Variants in NEK1 observed in about 807,000 individuals in gnomAD.
NEK1 encodes the protein NIMA related kinase 1.
Under a neutral mutation model 182.1 loss-of-function variants are expected in NEK1, and 137 were observed. The ratio of observed to expected loss-of-function variants is 0.75; its 90% CI spans 0.65 to 0.87. NEK1 has a LOEUF of 0.87. Ranked by LOEUF, NEK1 falls within the 40% of genes least tolerant of loss-of-function variation. The pLI is 0.00. For missense variants in NEK1, 1,391 were observed against 1,494.4 expected (o/e 0.93, Z 1.14); for synonymous variants, 513 against 492.2 (o/e 1.04, Z -0.56).
chr4:169,474,061 C>G (rs1406458300), intron 26 of NEK1, among the ~76,000 whole-genome samples: 1 of 150,934 alleles, frequency 6.6e-6, no homozygotes, highest in African/African-American at 2.4e-5. Flanking sequence ...GGGGTGATAG[C>G]TAAAGAACAG....
At chr4:169,486,897 T>G (rs6553440) in intron 23 of NEK1, among the ~76,000 whole-genome samples, 71,702 of 152,030 alleles carry the variant, frequency 0.47, 19,494 homozygotes, top group East Asian at 0.76. Context: ...TGAATTTTAA[T>G]TCTTAAAACA....
chr4:169,480,421 T>C (rs1747760991), intron 23 of NEK1, among the ~76,000 whole-genome samples: 1 of 151,596 alleles, frequency 6.6e-6, no homozygotes, highest in African/African-American at 2.4e-5. Flanking sequence ...CATACAAAAT[T>C]TATGTTTACA....
intron 16 of NEK1, among the ~76,000 whole-genome samples, chr4:169,559,515 C>T (rs1201685321): frequency 2.6e-5 from 4 of 152,110 alleles, no homozygotes; most frequent in Admixed American, 6.5e-5. Context: ...TGAAGAACTT[C>T]TGCACCTCAA....
intron 12 of NEK1, among the ~76,000 whole-genome samples, chr4:169,576,095 G>A (rs1331943237): frequency 1.3e-5 from 2 of 151,886 alleles, no homozygotes; most frequent in African/African-American, 4.8e-5. Flanking sequence ...CTCCTGAGTA[G>A]CTGGGACTAT....
At chr4:169,452,711 T>G (rs1742065925) in intron 27 of NEK1, among the ~76,000 whole-genome samples, 3 of 152,202 alleles carry the variant, frequency 2.0e-5, no homozygotes, top group Admixed American at 2.0e-4. Flanking sequence ...AGTATCATAC[T>G]GAATGGGCAA....
intron 5 of NEK1, among the ~76,000 whole-genome samples, chr4:169,593,785 G>A (rs547762455): frequency 3.3e-5 from 5 of 152,160 alleles, no homozygotes; most frequent in Admixed American, 2.0e-4. Context: ...TCAGGAGATC[G>A]AGACCATCCT....
At chr4:169,409,132 CTATTGTTTTACT>C (rs1733170020) in intron 31 of NEK1, among the ~76,000 whole-genome samples, 1 of 152,022 alleles carries the variant, frequency 6.6e-6, no homozygotes, top group African/African-American at 2.4e-5. Flanking sequence ...AAGCCAACAT[CTATTGTTTTACT>C]TATTGTTTTT....
intron 10 of NEK1, among the ~76,000 whole-genome samples, chr4:169,583,303 T>G (rs895288492): frequency 4.7e-5 from 7 of 149,456 alleles, no homozygotes; most frequent in Middle Eastern, 3.5e-3. Context: ...GCTTCTCACC[T>G]AAGTAGATAT....
At chr4:169,562,316 C>A (rs1763039003) in intron 12 of NEK1, 120 bp from the exon 13 acceptor site, 1 of 597,936 alleles carries the variant, frequency 1.7e-6, no homozygotes, top group Non-Finnish European at 2.8e-6. Context: ...TAACTCTCTT[C>A]CAAATTACAT....
At chr4:169,422,376 A>G (rs1735636779) in intron 31 of NEK1, among the ~76,000 whole-genome samples, 2 of 152,216 alleles carry the variant, frequency 1.3e-5, no homozygotes, top group African/African-American at 4.8e-5. Context: ...TGTTGAGTAA[A>G]TGATCCACTA....
At chr4:169,494,169 T>TA (rs1561288913) in intron 23 of NEK1, among the ~76,000 whole-genome samples, 1 of 152,112 alleles carries the variant, frequency 6.6e-6, no homozygotes, top group Non-Finnish European at 1.5e-5. Context: ...TACATATGTA[T>TA]ACATGTAACA....
intron 27 of NEK1, among the ~76,000 whole-genome samples, chr4:169,445,050 C>G (rs1740241917): frequency 6.6e-6 from 1 of 152,096 alleles, no homozygotes; most frequent in Admixed American, 6.5e-5. Context: ...TTTCATGAAA[C>G]AAATGGGGAC....
intron 29 of NEK1, 34 bp from the exon 30 acceptor site, chr4:169,426,268 C>T (rs2111356541): frequency 6.4e-7 from 1 of 1,550,870 alleles, no homozygotes. Flanking sequence ...TAAAAACACA[C>T]ACACTTAGTT....
At chr4:169,417,869 C>T (rs553010692) in intron 31 of NEK1, among the ~76,000 whole-genome samples, 1 of 152,314 alleles carries the variant, frequency 6.6e-6, no homozygotes. Flanking sequence ...GAGAAAATAT[C>T]TGGACTTTGG....
chr4:169,585,333 A>G lies in NEK1; in HGVS notation c.807+16T>C, dbSNP rs918992197. Reference sequence around the variant, plus strand: ...ACATAACCCTACTGTTTAATTTTAAAGGAAAAAGAACTTACCTGAGGAGAG... The same window carrying G: ...ACATAACCCTACTGTTTAATTTTAAGGGAAAAAGAACTTACCTGAGGAGAG... On this transcript the variant is annotated intron_variant, in intron 10 of 35. Transcript: ENST00000507142. The G allele has an allele frequency of 1.3e-5, 21 of 1,602,378 alleles. No individual in the cohort carries two copies. The highest frequency in any genetic ancestry group is 2.7e-5 in the African/African-American group (2 of 74,474).
At chr4:169,607,332 T>C (rs1771520257) in intron 2 of NEK1, among the ~76,000 whole-genome samples, 1 of 152,150 alleles carries the variant, frequency 6.6e-6, no homozygotes, top group African/African-American at 2.4e-5. Flanking sequence ...GACTCAAACA[T>C]GAAGTTACTA....
chr4:169,449,498 T>C (rs1741289846), intron 27 of NEK1, among the ~76,000 whole-genome samples: 1 of 152,170 alleles, frequency 6.6e-6, no homozygotes, highest in African/African-American at 2.4e-5. Context: ...TCTTCAATAT[T>C]TGCTGTTCTG....
chr4:169,555,273 T>C (rs1303427406), intron 18 of NEK1: 1 of 183,902 alleles, frequency 5.4e-6, no homozygotes, highest in East Asian at 1.6e-4. Context: ...CAAAGAGTTA[T>C]AAATCAGAGA....
chr4:169,510,872 G>C (rs1754056773), intron 19 of NEK1, among the ~76,000 whole-genome samples: 5 of 152,020 alleles, frequency 3.3e-5, no homozygotes, highest in Admixed American at 3.3e-4. Flanking sequence ...CTCAAACCAA[G>C]TATCTCACCC....
Sources: allele counts gnomAD v4.1 joint callset (sites outside exome capture counted in the v4.1 genomes callset), GRCh38; gene constraint gnomAD v4.1.1; transcripts MANE v1.5; gene names NCBI Gene and HGNC (gene_info 2026-07-23, HGNC 2026-07-21).